Variants in PADI6 observed in about 807,000 individuals in gnomAD.
PADI6 encodes inactive protein-arginine deiminase type-6.
A neutral mutation model predicts 78.2 loss-of-function variants in PADI6; 66 were observed. The observed-to-expected ratio is 0.84, with a 90% confidence interval of 0.69 to 1.04. The LOEUF is 1.04. PADI6 is among the 50% of genes least tolerant of loss of function. The pLI is 0.00. For synonymous variants in PADI6, 397 were observed against 346.9 expected (o/e 1.14, Z -1.60); for missense variants, 854 against 866.1 (o/e 0.99, Z 0.18).
At position 17,378,358 on chromosome 1, in the gene PADI6, A is replaced by T. The variant is rs559460337; in HGVS notation, c.368-1562A>T. Among the ~76,000 whole-genome samples, 12 of 152,316 alleles carry T rather than the reference A, an allele frequency of 7.9e-5. No homozygotes were observed. In the East Asian group the frequency reaches 1.7e-3, roughly 22 times the overall value. On this transcript the variant is annotated intron_variant, in intron 3 of 15. Coordinates refer to ENST00000619609, the MANE Select transcript of PADI6 (RefSeq NM_207421.4). ...TGGGGCAGCCCAGTTCGCAGTGGGCATCTGGTCCCTGAGCATCTGCTGGTC... is the reference window on the plus strand; with the variant it reads ...TGGGGCAGCCCAGTTCGCAGTGGGCTTCTGGTCCCTGAGCATCTGCTGGTC...
At chr1:17,385,302 G>A (rs941275980) in intron 6 of PADI6, among the ~76,000 whole-genome samples, 1 of 152,234 alleles carries the variant, frequency 6.6e-6, no homozygotes, top group South Asian at 2.1e-4. Context: ...GAGCTTTAAA[G>A]ACCTGGTGTG....
In PADI6 at chr1:17,394,957, G is replaced by C. The variant is rs200059159; in HGVS notation, c.1344G>C (p.Glu448Asp). 91 of 1,610,984 alleles carry C rather than the reference G, an allele frequency of 5.6e-5. No individual in the cohort carries two copies. The African/African-American group carries it at 1.1e-3, about 20-fold the overall frequency. The change falls in exon 12 of 16, where the codon GAG (glutamate) becomes GAC (aspartate). Residue 448 changes from glutamate to aspartate, a missense_variant. By Grantham distance (45) the Glu-to-Asp change is conservative. Coordinates refer to ENST00000619609, the MANE Select transcript of PADI6 (RefSeq NM_207421.4). The part of the protein sequence containing the change: ...LIGSSFYPSA[E>D]GRAMSKTLRD... ...CTTTCCATCTTCCTTCTAGCGCAGAGGGCCGGGCCATGAGTAAGACCCTCC... is the reference window on the plus strand; with the variant it reads ...CTTTCCATCTTCCTTCTAGCGCAGACGGCCGGGCCATGAGTAAGACCCTCC...
chr1:17,399,876 A>T (rs1334147477), intron 15 of PADI6, among the ~76,000 whole-genome samples: 1 of 151,970 alleles, frequency 6.6e-6, no homozygotes, highest in Non-Finnish European at 1.5e-5. Flanking sequence ...CTCTAGTAAG[A>T]ATACAAAAAA....
At chr1:17,372,969 G>C in intron 1 of PADI6, 87 bp from the exon 2 acceptor site, 1 of 1,378,166 alleles carries the variant, frequency 7.3e-7, no homozygotes, top group Non-Finnish European at 1.0e-6. Flanking sequence ...ATGAGGATTC[G>C]GGAGCCGTCC....
chr1:17,381,854 G>A (rs7556072), intron 5 of PADI6, 113 bp from the exon 6 acceptor site: 519,905 of 1,258,866 alleles, frequency 0.41, 110,410 homozygotes, highest in Non-Finnish European at 0.44. Flanking sequence ...GCAAAAGGCA[G>A]GGGGTCCTTG....
At chr1:17,391,643 A>G (rs1221047728) in intron 8 of PADI6, among the ~76,000 whole-genome samples, 1 of 152,204 alleles carries the variant, frequency 6.6e-6, no homozygotes, top group Non-Finnish European at 1.5e-5. Flanking sequence ...CTCAAGACCC[A>G]CCCAACGCCA....
At chr1:17,384,181 C>T (rs576033393) in intron 6 of PADI6, among the ~76,000 whole-genome samples, 1 of 151,300 alleles carries the variant, frequency 6.6e-6, no homozygotes, top group Non-Finnish European at 1.5e-5. Context: ...GGCAACACAG[C>T]ATGTTATGTT....
At chr1:17,377,037 T>C (rs1259343263) in intron 3 of PADI6, among the ~76,000 whole-genome samples, 1 of 152,104 alleles carries the variant, frequency 6.6e-6, no homozygotes, top group East Asian at 1.9e-4. Flanking sequence ...CCATACTTGG[T>C]TAATTTTTTA....
rs535802235 is a variant in PADI6, at chr1:17,388,007, A to T, written c.680-374A>T. On this transcript the variant is annotated intron_variant, in intron 6 of 15. Transcript: ENST00000619609. ...ATGAGGCTGCTGAGCCCAGCCTGGGACAGTTTCTCACCTTTAGGACTCTGA... is the reference window on the plus strand; with the variant it reads ...ATGAGGCTGCTGAGCCCAGCCTGGGTCAGTTTCTCACCTTTAGGACTCTGA... Among the ~76,000 whole-genome samples, 180 of 152,236 alleles carry T rather than the reference A, an allele frequency of 1.2e-3. 1 individual carries two copies. Among genetic ancestry groups the T allele is most frequent in the African/African-American group, 3.8e-3 (156 of 41,532 alleles).
intron 3 of PADI6, among the ~76,000 whole-genome samples, chr1:17,379,454 A>C (rs2075051758): frequency 6.6e-6 from 1 of 151,884 alleles, no homozygotes. Flanking sequence ...ATGCGATTTC[A>C]CCATGTTGCC....
At chr1:17,397,435 T>G (rs887659744) in intron 14 of PADI6, among the ~76,000 whole-genome samples, 4 of 152,074 alleles carry the variant, frequency 2.6e-5, no homozygotes, top group African/African-American at 4.8e-5. Context: ...TTCTATGGTG[T>G]CAGATGGCTG....
At position 17,375,620 on chromosome 1, in the gene PADI6, C is replaced by T. The variant is rs1007620210; in HGVS notation, c.367+121C>T. 6 of 830,120 alleles carry T rather than the reference C, an allele frequency of 7.2e-6. No individual in the cohort carries two copies. The African/African-American group carries it at 8.5e-5, about 12-fold the overall frequency. 51.4% of individuals were successfully genotyped at this position (830,120 alleles called of 1,614,324 possible). A position where few individuals can be genotyped will look rare whatever the true frequency, so the allele number is the denominator to read the frequency against. On this transcript the variant is annotated intron_variant, in intron 3 of 15. Transcript: ENST00000619609. ...GTAACAAGATGCCTCCTGTGGGCCCCAGGAACTCCTGAACAAACTCCTAAA... is the reference window on the plus strand; with the variant it reads ...GTAACAAGATGCCTCCTGTGGGCCCTAGGAACTCCTGAACAAACTCCTAAA...
intron 6 of PADI6, among the ~76,000 whole-genome samples, chr1:17,382,957 T>C (rs1313560741): frequency 1.3e-5 from 2 of 152,146 alleles, no homozygotes; most frequent in Admixed American, 6.5e-5. Flanking sequence ...CTGGCTAATT[T>C]GCTTTTCTTG....
intron 2 of PADI6, among the ~76,000 whole-genome samples, chr1:17,374,619 TC>T (rs1291339873): frequency 6.6e-6 from 1 of 150,980 alleles, no homozygotes; most frequent in African/African-American, 2.5e-5. Flanking sequence ...AGAACAAAAC[TC>T]CATCGCAAAA....
chr1:17,380,535 T>A (rs60259682), intron 4 of PADI6, among the ~76,000 whole-genome samples: 1 of 151,976 alleles, frequency 6.6e-6, no homozygotes, highest in African/African-American at 2.4e-5. Context: ...GCCTGGCTAG[T>A]TTTTTTTGTA....
At position 17,401,190 on chromosome 1, in the gene PADI6, CTG is replaced by C; in HGVS notation, c.1852-13_1852-12del. Reference sequence around the variant, plus strand: ...GATCCCTGTCCAGGCCTCACCCACCCTGTCTTTCTAACAGTTGCGGATGATTG... The same window carrying C: ...GATCCCTGTCCAGGCCTCACCCACCCTCTTTCTAACAGTTGCGGATGATTG... On this transcript the variant is annotated splice_polypyrimidine_tract_variant and intron_variant, in intron 15 of 15. Transcript: ENST00000619609. 6.2e-7 allele frequency: 1 copy of C among 1,612,594 alleles called. No individual in the cohort carries two copies. Among genetic ancestry groups the C allele is most frequent in the Non-Finnish European group, 8.5e-7 (1 of 1,178,858 alleles).
intron 6 of PADI6, among the ~76,000 whole-genome samples, chr1:17,385,835 G>GT (rs1383510373): frequency 6.6e-6 from 1 of 152,188 alleles, no homozygotes; most frequent in Non-Finnish European, 1.5e-5. Context: ...AGAAGTGCCA[G>GT]TGAAGAACCA....
intron 9 of PADI6, 124 bp downstream of exon 9, chr1:17,392,349 C>T: frequency 1.5e-6 from 1 of 689,134 alleles, no homozygotes; most frequent in Non-Finnish European, 2.5e-6. Context: ...AGGGGCGGCC[C>T]TGTTCTTAGG....
intron 2 of PADI6, among the ~76,000 whole-genome samples, chr1:17,373,987 G>C (rs533191685): frequency 1.9e-4 from 29 of 152,160 alleles, no homozygotes; most frequent in African/African-American, 7.0e-4. Context: ...CTCATTCAGG[G>C]CAGGAGTGTT....
Sources: allele counts gnomAD v4.1 joint callset (sites outside exome capture counted in the v4.1 genomes callset), GRCh38; gene constraint gnomAD v4.1.1; transcripts MANE v1.5; gene names NCBI Gene and HGNC (gene_info 2026-07-23, HGNC 2026-07-21).